The following IQCE variants were observed in gnomAD, a reference collection of about 807,000 sequenced individuals.
IQCE encodes IQ domain-containing protein E.
IQCE carries 115 observed loss-of-function variants against 96.0 expected under a neutral mutation model. The observed-to-expected ratio is 1.20, with a 90% confidence interval of 1.03 to 1.40. The LOEUF (loss-of-function observed/expected upper bound fraction) is 1.40, where lower values mean the gene tolerates loss of function less well. Among genes scored for constraint, IQCE ranks in the 40% most tolerant of loss-of-function variants. IQCE has a pLI of 0.00. For missense variants in IQCE, 1,041 were observed against 909.1 expected (o/e 1.15, Z -1.87); for synonymous variants, 412 against 371.2 (o/e 1.11, Z -1.26).
intron 1 of IQCE, 166 bp downstream of exon 1, chr7:2,559,383 G>A: frequency 3.0e-6 from 1 of 336,116 alleles, no homozygotes; most frequent in East Asian, 5.1e-5. Flanking sequence ...AGAGCGCGCT[G>A]CAGGCCCCGC....
chr7:2,572,767 T>G (rs1414658859), intron 5 of IQCE: 1 of 455,818 alleles, frequency 2.2e-6, no homozygotes, highest in South Asian at 1.6e-5. Flanking sequence ...TGGTCTCAAA[T>G]TCCTGGACTC....
chr7:2,592,854 C>T (rs1324468143), intron 14 of IQCE, among the ~76,000 whole-genome samples, 168 bp from the exon 15 acceptor site: 1 of 152,244 alleles, frequency 6.6e-6, no homozygotes, highest in East Asian at 1.9e-4. Context: ...GCCCTGAGGT[C>T]TGTCCTTGGC....
At chr7:2,607,066 CAGAG>C in intron 20 of IQCE, 54 bp from the exon 21 acceptor site, 1 of 1,441,556 alleles carries the variant, frequency 6.9e-7, no homozygotes, top group Non-Finnish European at 9.3e-7. Context: ...CTGTAAACCT[CAGAG>C]AGGTTTGTAC....
In IQCE at chr7:2,578,338, C is replaced by CAA; in HGVS notation, c.562_563insAA (p.Leu188GlnfsTer29). The CAA allele has an allele frequency of 6.2e-7, 1 of 1,614,038 alleles. No homozygotes were observed. Among genetic ancestry groups the CAA allele is most frequent in the Non-Finnish European group, 8.5e-7 (1 of 1,179,898 alleles). On this transcript the variant is annotated frameshift_variant, in exon 7 of 22. Coordinates refer to ENST00000402050, the MANE Select transcript of IQCE (RefSeq NM_152558.5). LOFTEE classifies it high-confidence loss of function. Reference sequence around the variant, plus strand: ...CAGGAAGGACCGGCAGATAGAGCAGCTCCTGGATCCCAGCCGCGTAAGCTC... The same window carrying CAA: ...CAGGAAGGACCGGCAGATAGAGCAGCAATCCTGGATCCCAGCCGCGTAAGCTC...
At chr7:2,586,517 C>CA (rs1185549697) in intron 12 of IQCE, 146 bp downstream of exon 12, 15 of 859,222 alleles carry the variant, frequency 1.7e-5, no homozygotes, top group Non-Finnish European at 2.6e-5. Flanking sequence ...CATGTGCCAG[C>CA]ACCTGCCGCG....
chr7:2,603,112 C>T (rs1224335162), intron 18 of IQCE, among the ~76,000 whole-genome samples: 1 of 152,148 alleles, frequency 6.6e-6, no homozygotes, highest in Non-Finnish European at 1.5e-5. Context: ...TGGCAACTTC[C>T]AACATCCCCG....
At position 2,578,462 on chromosome 7, in the gene IQCE, T is replaced by G; in HGVS notation, c.580-14T>G. 2 of 1,614,126 alleles carry G rather than the reference T, an allele frequency of 1.2e-6. No homozygotes were observed. The highest frequency in any genetic ancestry group is 1.7e-6 in the Non-Finnish European group (2 of 1,180,000). ...ACCGAAGGCCGTCTTCATGTCTCAATCTGCTTACCACAGGGCACGGATTTT... is the reference window on the plus strand; with the variant it reads ...ACCGAAGGCCGTCTTCATGTCTCAAGCTGCTTACCACAGGGCACGGATTTT... On this transcript the variant is annotated splice_polypyrimidine_tract_variant and intron_variant, in intron 7 of 21. Coordinates refer to ENST00000402050, the MANE Select transcript of IQCE (RefSeq NM_152558.5).
intron 18 of IQCE, among the ~76,000 whole-genome samples, chr7:2,603,539 C>A (rs572171057): frequency 1.3e-5 from 2 of 152,176 alleles, no homozygotes; most frequent in Admixed American, 6.5e-5. Flanking sequence ...GTGAGGCTGC[C>A]TGTGTGGGGC....
chr7:2,592,481 G>A (rs113907018), intron 14 of IQCE, among the ~76,000 whole-genome samples: 3,177 of 152,312 alleles, frequency 0.021, 133 homozygotes, highest in African/African-American at 0.073. Context: ...TTAATACAGA[G>A]ACTCACAGGC....
At chr7:2,606,997 G>T (rs1784881424) in intron 20 of IQCE, 127 bp from the exon 21 acceptor site, 4 of 840,376 alleles carry the variant, frequency 4.8e-6, no homozygotes, top group Non-Finnish European at 7.2e-6. Flanking sequence ...TGGGGCTCGG[G>T]ACTGGCTCTG....
intron 11 of IQCE, chr7:2,584,675 G>C (rs1051750237): frequency 2.1e-4 from 41 of 193,948 alleles, no homozygotes; most frequent in Admixed American, 1.2e-3. Flanking sequence ...GAAACACCGA[G>C]GTTCTCCTTG....
Position 2,610,435 on chromosome 7 carries a change from A to C in IQCE, c.*273A>C. 2.7e-6 allele frequency: 1 copy of C among 369,974 alleles called. No individual in the cohort carries two copies. Among genetic ancestry groups the C allele is most frequent in the Non-Finnish European group, 5.0e-6 (1 of 199,774 alleles). The allele number at this position is 369,974 out of a possible 1,614,324, so 22.9% of individuals were successfully genotyped here. On this transcript the variant is annotated 3_prime_UTR_variant, in exon 22 of 22. Coordinates refer to ENST00000402050, the MANE Select transcript of IQCE (RefSeq NM_152558.5). ...GTGCCAACAGACACATCTGCCGTGA[A>C]CTCGCAGATGCCAGGGAGCCCTGTA...
Position 2,583,650 on chromosome 7 carries a change from G to A in IQCE, c.715G>A (p.Asp239Asn), listed in dbSNP as rs376194818. Residue 239 changes from aspartate to asparagine, a missense_variant, in exon 10 of 22, where the codon GAT (aspartate) becomes AAT (asparagine). By Grantham distance (23) the Asp-to-Asn change is conservative (BLOSUM62 1). Coordinates refer to ENST00000402050, the MANE Select transcript of IQCE (RefSeq NM_152558.5). ...KDGTISKLQT[D>N]MKTTNLEEMR... The stretch of plus-strand genomic sequence containing the variant: ...TTGGGTTTTCAGCAAACTCCAGACC[G>A]ATATGAAGACTACCAACCTGGAAGA... The A allele has an allele frequency of 3.8e-5, 61 of 1,585,668 alleles. No homozygotes were observed. In the African/African-American group the frequency reaches 5.7e-4, roughly 15 times the overall value.
Position 2,598,483 on chromosome 7 carries a change from C to G in IQCE, c.1459C>G (p.Pro487Ala). ...VPHKAQELPA[P>A]TPSSRHCEQD... ...CCTGCAGGCCCAAGAGCTCCCAGCT[C>G]CCACTCCCAGCAGCAGGCACTGCGA... is the stretch of plus-strand genomic sequence containing the variant. Residue 487 changes from proline (P) to alanine (A), a missense_variant, in exon 17 of 22, where the codon CCC becomes GCC. Transcript: ENST00000402050. 1 of 1,591,600 alleles carries G rather than the reference C, an allele frequency of 6.3e-7. No individual in the cohort carries two copies. Among genetic ancestry groups the G allele is most frequent in the Non-Finnish European group, 8.5e-7 (1 of 1,169,912 alleles).
chr7:2,590,801 C>A (rs1426038863), intron 14 of IQCE, among the ~76,000 whole-genome samples: 3 of 142,426 alleles, frequency 2.1e-5, no homozygotes, highest in East Asian at 2.1e-4. Context: ...ACATTTAAAT[C>A]TCTCTACCCT....
intron 8 of IQCE, chr7:2,581,940 C>T (rs1210437661): frequency 1.1e-5 from 4 of 372,122 alleles, no homozygotes; most frequent in South Asian, 2.1e-5. Flanking sequence ...TCTTGATCTC[C>T]TGACCCCATG....
intron 20 of IQCE, among the ~76,000 whole-genome samples, chr7:2,606,281 C>A (rs927372669): frequency 6.6e-6 from 1 of 152,298 alleles, no homozygotes; most frequent in East Asian, 1.9e-4. Flanking sequence ...GCTTCACACA[C>A]CGTGTAGCTC....
chr7:2,571,400 A>G (rs1781744259), intron 3 of IQCE, 126 bp from the exon 4 acceptor site: 2 of 1,186,786 alleles, frequency 1.7e-6, no homozygotes, highest in Admixed American at 4.3e-5. Context: ...CATTTTTGCC[A>G]GAATGTTTGA....
At position 2,568,960 on chromosome 7, in the gene IQCE, A is replaced by G. The variant is rs763190190; in HGVS notation, c.91A>G (p.Lys31Glu). Reference sequence around the variant, plus strand: ...CATTTCTTCTTTCTTTCAGAAAGCAAAAAGGAAAGCTTTCCACAAACCTCC... The same window carrying G: ...CATTTCTTCTTTCTTTCAGAAAGCAGAAAGGAAAGCTTTCCACAAACCTCC... ...TFDSDVETKA[K>E]RKAFHKPPPT... The change falls in exon 3 of 22, where the codon AAA (lysine) becomes GAA (glutamate). Residue 31 changes from lysine (K) to glutamate (E), a missense_variant. By Grantham distance (56) the Lys-to-Glu change is moderately conservative. Transcript: ENST00000402050. 1.9e-6 allele frequency: 3 copies of G among 1,613,398 alleles called. No individual in the cohort carries two copies. The South Asian group carries it at 3.3e-5, about 18-fold the overall frequency.
Sources: gnomAD v4.1 joint callset for allele counts (sites outside exome capture counted in the v4.1 genomes callset) on GRCh38, gnomAD v4.1.1 for gene constraint, MANE v1.5 for transcripts, NCBI Gene and HGNC (gene_info 2026-07-23, HGNC 2026-07-21) for gene names.